FRMD4B: variants seen among roughly 807,000 people sequenced by gnomAD.
FRMD4B encodes FERM domain containing 4B, also known as FERM domain-containing protein 4B.
Under a neutral mutation model 141.5 loss-of-function variants are expected in FRMD4B, and 74 were observed. That is an observed-to-expected ratio of 0.52 (90% CI 0.43 to 0.63). FRMD4B has a LOEUF of 0.63. Ranked by LOEUF, FRMD4B falls within the 30% of genes least tolerant of loss-of-function variation. The probability of loss-of-function intolerance (pLI) is 0.00; values close to 1 mark genes in which losing one functional copy is unlikely to be tolerated. For synonymous variants in FRMD4B, 506 were observed against 467.9 expected (o/e 1.08, Z -1.05); for missense variants, 1,366 against 1,253.4 (o/e 1.09, Z -1.36).
In FRMD4B at chr3:69,237,177, G is replaced by GGAA. The variant is rs10658426; in HGVS notation, c.581+12048_581+12049insTTC. On this transcript the variant is annotated intron_variant, in intron 7 of 22. Coordinates refer to ENST00000398540, the MANE Select transcript of FRMD4B (RefSeq NM_015123.3). ...GACAACTGCAGGCCGGAGCACAAGA[G>GGAA]GAGGAAGAGGAGAGAATTGGAAAGC... Among the ~76,000 whole-genome samples the GGAA allele has an allele frequency of 9.2e-4, 139 of 151,440 alleles. 1 individual carries two copies. The highest frequency in any genetic ancestry group is 3.3e-3 in the African/African-American group (137 of 41,270).
chr3:69,469,833 T>C (rs1369202269), intron 1 of FRMD4B, among the ~76,000 whole-genome samples: 1 of 152,216 alleles, frequency 6.6e-6, no homozygotes, highest in African/African-American at 2.4e-5. Flanking sequence ...CAGCAGGTTT[T>C]AAATGATGCA....
intron 3 of FRMD4B, among the ~76,000 whole-genome samples, chr3:69,308,325 T>C (rs1404004765): frequency 1.3e-5 from 2 of 152,128 alleles, no homozygotes; most frequent in Non-Finnish European, 2.9e-5. Flanking sequence ...TAAGTAACTG[T>C]TCTAAGGTCA....
chr3:69,332,336 G>C (rs58587482), intron 1 of FRMD4B, among the ~76,000 whole-genome samples: 3,636 of 152,172 alleles, frequency 0.024, 127 homozygotes, highest in African/African-American at 0.082. Flanking sequence ...TTCCTCTTTT[G>C]AACTTTACAA....
intron 1 of FRMD4B, among the ~76,000 whole-genome samples, chr3:69,356,009 A>G (rs1342366724): frequency 6.7e-6 from 1 of 148,208 alleles, no homozygotes; most frequent in Non-Finnish European, 1.5e-5. Context: ...TGGGTGACAG[A>G]GCAAGCAAGA....
chr3:69,371,591 C>A (rs1386885906), intron 1 of FRMD4B, among the ~76,000 whole-genome samples: 1 of 152,156 alleles, frequency 6.6e-6, no homozygotes, highest in Non-Finnish European at 1.5e-5. Flanking sequence ...GCTATTGCAA[C>A]AAACCAGCTA....
At chr3:69,297,920 G>A (rs1353931721) in intron 4 of FRMD4B, among the ~76,000 whole-genome samples, 5 of 151,886 alleles carry the variant, frequency 3.3e-5, no homozygotes, top group Non-Finnish European at 5.9e-5. Flanking sequence ...TTTATAACTG[G>A]AAAAAAGAAG....
At chr3:69,491,173 A>T (rs1368105569) in intron 1 of FRMD4B, among the ~76,000 whole-genome samples, 1 of 152,200 alleles carries the variant, frequency 6.6e-6, no homozygotes, top group Non-Finnish European at 1.5e-5. Flanking sequence ...GTCCCAGGGG[A>T]GTTCAAACAA....
At chr3:69,480,458 T>C (rs59113055) in intron 1 of FRMD4B, among the ~76,000 whole-genome samples, 26,334 of 152,160 alleles carry the variant, frequency 0.17, 2,616 homozygotes, top group African/African-American at 0.27. Flanking sequence ...CTGTTGGAGT[T>C]TGCCAGAGGT....
chr3:69,473,440 C>T (rs1257123871), intron 1 of FRMD4B, among the ~76,000 whole-genome samples: 1 of 152,182 alleles, frequency 6.6e-6, no homozygotes, highest in Non-Finnish European at 1.5e-5. Flanking sequence ...CAATGCAGCA[C>T]GTATCTGAAT....
chr3:69,228,231 A>G, intron 7 of FRMD4B: 1 of 426,358 alleles, frequency 2.3e-6, no homozygotes, highest in Middle Eastern at 4.2e-4. Context: ...CCCTGCCTTC[A>G]ATGATAAGAA....
chr3:69,402,159 G>T (rs1704573792), intron 2 of FRMD4B, among the ~76,000 whole-genome samples: 1 of 152,162 alleles, frequency 6.6e-6, no homozygotes, highest in Non-Finnish European at 1.5e-5. Flanking sequence ...GGCAGGTATG[G>T]TAATCCCATC....
In FRMD4B at chr3:69,345,041, C is replaced by T. The variant is rs376933405; in HGVS notation, c.163-31524G>A. On this transcript the variant is annotated intron_variant, in intron 1 of 22. Transcript: ENST00000398540. ...AGTGAGCTGAAGCAGGGTGAGGCATCGCCTCACCTGGGAAGCACAAGGGGT... is the reference window on the plus strand; with the variant it reads ...AGTGAGCTGAAGCAGGGTGAGGCATTGCCTCACCTGGGAAGCACAAGGGGT... Among the ~76,000 whole-genome samples, 39 of 152,066 alleles carry T rather than the reference C, an allele frequency of 2.6e-4. 1 individual carries two copies. In the South Asian group the frequency reaches 5.6e-3, roughly 22 times the overall value.
rs73838311 is a variant in FRMD4B, at chr3:69,227,140, A to G, written c.582-2450T>C. ...TTTTCAAGAGTAATTTGAACTATAC[A>G]CAATCAGAATCTACTCCAGTTATAA... On this transcript the variant is annotated intron_variant, in intron 7 of 22. Coordinates refer to ENST00000398540, the MANE Select transcript of FRMD4B (RefSeq NM_015123.3). Among the ~76,000 whole-genome samples, 567 of 152,310 alleles carry G rather than the reference A, an allele frequency of 3.7e-3. 3 individuals carry two copies. Among genetic ancestry groups the G allele is most frequent in the African/African-American group, 0.013 (538 of 41,572 alleles).
chr3:69,181,712 T>C lies in FRMD4B; in HGVS notation c.2040-2A>G. On this transcript the variant is annotated splice_acceptor_variant, in intron 20 of 22. Coordinates refer to ENST00000398540, the MANE Select transcript of FRMD4B (RefSeq NM_015123.3). LOFTEE classifies it high-confidence loss of function. ...CAGTGCTGAGATGAAGATTCGGGTC[T>C]GAAAGAGGAGAAAGGCAAACTTCTC... 1 of 1,598,896 alleles carries C rather than the reference T, an allele frequency of 6.3e-7. No individual in the cohort carries two copies. The highest frequency in any genetic ancestry group is 8.5e-7 in the Non-Finnish European group (1 of 1,171,028).
chr3:69,294,144 G>A (rs1700965416), intron 4 of FRMD4B, among the ~76,000 whole-genome samples: 1 of 152,252 alleles, frequency 6.6e-6, no homozygotes, highest in Non-Finnish European at 1.5e-5. Flanking sequence ...TCTGAACAAT[G>A]CTGAGTTTGT....
At chr3:69,509,271 T>C (rs1283979005) in intron 1 of FRMD4B, among the ~76,000 whole-genome samples, 2 of 152,212 alleles carry the variant, frequency 1.3e-5, no homozygotes, top group Non-Finnish European at 2.9e-5. Flanking sequence ...TGCAGTGCCA[T>C]CTAACTCTAC....
chr3:69,502,100 T>C (rs1418118301), intron 1 of FRMD4B, among the ~76,000 whole-genome samples: 1 of 152,118 alleles, frequency 6.6e-6, no homozygotes, highest in Admixed American at 6.5e-5. Flanking sequence ...AAAATGGCCA[T>C]ACTGCCCAAG....
intron 5 of FRMD4B, among the ~76,000 whole-genome samples, chr3:69,255,289 A>C (rs1268568672): frequency 1.3e-5 from 2 of 152,236 alleles, no homozygotes; most frequent in African/African-American, 4.8e-5. Context: ...ATGGAGCCAA[A>C]TGTTAAAAAC....
intron 22 of FRMD4B, among the ~76,000 whole-genome samples, chr3:69,175,158 A>G (rs2092629760): frequency 6.6e-6 from 1 of 152,208 alleles, no homozygotes; most frequent in African/African-American, 2.4e-5. Context: ...TCTCAAATTT[A>G]CCAGCATAGA....
Sources: gnomAD v4.1 joint callset for allele counts (sites outside exome capture counted in the v4.1 genomes callset) on GRCh38, gnomAD v4.1.1 for gene constraint, MANE v1.5 for transcripts, NCBI Gene and HGNC (gene_info 2026-07-23, HGNC 2026-07-21) for gene names.